The following FAM184A variants were observed in gnomAD, a reference collection of about 807,000 sequenced individuals.
FAM184A encodes protein FAM184A.
Under a neutral mutation model 143.8 loss-of-function variants are expected in FAM184A, and 99 were observed. The observed-to-expected ratio is 0.69, with a 90% CI of 0.58 to 0.81. The LOEUF (loss-of-function observed/expected upper bound fraction) is 0.81. FAM184A is among the 40% of genes least tolerant of loss of function. The pLI, the probability that FAM184A is intolerant of heterozygous loss-of-function variation, is 0.00. For missense variants in FAM184A, 1,217 were observed against 1,310.5 expected (o/e 0.93, Z 1.10); for synonymous variants, 427 against 446.4 (o/e 0.96, Z 0.55).
chr6:119,040,489 C>T (rs1786286455), intron 1 of FAM184A, among the ~76,000 whole-genome samples: 2 of 152,114 alleles, frequency 1.3e-5, no homozygotes, highest in African/African-American at 4.8e-5. Flanking sequence ...GTCACCTTGC[C>T]GGGTGGCTTG....
intron 14 of FAM184A, among the ~76,000 whole-genome samples, chr6:118,968,645 A>T (rs1783573683): frequency 6.6e-6 from 1 of 152,258 alleles, no homozygotes; most frequent in African/African-American, 2.4e-5. Context: ...TTTTATCATT[A>T]AAAGCAAAGT....
chr6:119,002,787 T>C, intron 9 of FAM184A, 112 bp downstream of exon 9: 1 of 963,018 alleles, frequency 1.0e-6, no homozygotes, highest in East Asian at 2.5e-5. Flanking sequence ...AGTTTTAAGT[T>C]TGTCCCATGA....
At position 119,033,664 on chromosome 6, in the gene FAM184A, C is replaced by CAAA. The variant is rs532353203; in HGVS notation, c.160-8854_160-8852dup. On this transcript the variant is annotated intron_variant, in intron 1 of 17. Coordinates refer to ENST00000338891, the MANE Select transcript of FAM184A (RefSeq NM_024581.6). ...CGGACGACAGAGTGAGACTCCGTCT[C>CAAA]AAAAAAAAAAAAAAGAAAGAAAGAA... 5.3e-3 allele frequency among the ~76,000 whole-genome samples: 581 copies of CAAA among 110,220 alleles called. 8 individuals carry two copies. Among genetic ancestry groups the CAAA allele is most frequent in the African/African-American group, 0.019 (545 of 28,458 alleles). 72.3% of individuals were successfully genotyped at this position (110,220 alleles called of 152,430 possible). A position where few individuals can be genotyped will look rare whatever the true frequency, so the allele number is the denominator to read the frequency against.
intron 1 of FAM184A, among the ~76,000 whole-genome samples, chr6:119,073,148 A>G (rs1299570266): frequency 6.6e-6 from 1 of 152,226 alleles, no homozygotes; most frequent in East Asian, 1.9e-4. Context: ...AGGTACCAAC[A>G]ATCAATGCTA....
intron 1 of FAM184A, among the ~76,000 whole-genome samples, chr6:119,056,261 G>C (rs538024224): frequency 2.5e-4 from 38 of 152,330 alleles, no homozygotes; most frequent in Non-Finnish European, 4.7e-4. Flanking sequence ...AGAAATGCTA[G>C]ATTGAGACAA....
Position 118,960,031 on chromosome 6 carries a change from A to G in FAM184A, c.*72T>C, listed in dbSNP as rs1783268198. ...CACAGTGTTTGACATAGGAAAGCCT[A>G]TTTACATAACAATCTGTATAAAGTC... On this transcript the variant is annotated 3_prime_UTR_variant, in exon 18 of 18. Transcript: ENST00000338891. 1 of 1,230,314 alleles carries G rather than the reference A, an allele frequency of 8.1e-7. No individual in the cohort carries two copies. The highest frequency in any genetic ancestry group is 1.2e-6 in the Non-Finnish European group (1 of 867,562). The allele number at this position is 1,230,314 out of a possible 1,614,324, so 76.2% of individuals were successfully genotyped here.
intron 1 of FAM184A, among the ~76,000 whole-genome samples, chr6:119,111,585 C>T (rs947470379): frequency 1.3e-5 from 2 of 152,302 alleles, no homozygotes; most frequent in South Asian, 2.1e-4. Context: ...AGAAACCCGG[C>T]GTATTCCAGT....
At position 118,961,807 on chromosome 6, in the gene FAM184A, G is replaced by A. The variant is rs1161320812; in HGVS notation, c.3295C>T (p.Pro1099Ser). The change falls in exon 17 of 18, where the codon CCA (proline) becomes TCA (serine). Residue 1099 changes from proline (P) to serine (S), a missense_variant. Physicochemically the swap from Pro to Ser is moderately conservative, Grantham distance 74 (BLOSUM62 -1). Coordinates refer to ENST00000338891, the MANE Select transcript of FAM184A (RefSeq NM_024581.6). ...VHDIEFNSSK[P>S]LPQPVPPKGP... ...TTAGGTGGCACTGGCTGTGGAAGTG[G>A]TTTGCTGCTGTTGAACTCAATATCG... The A allele has an allele frequency of 6.2e-7, 1 of 1,613,792 alleles. No individual in the cohort carries two copies. The highest frequency in any genetic ancestry group is 2.2e-5 in the East Asian group (1 of 44,884).
chr6:119,079,359 ATAAG>A (rs1350200531), upstream of FAM184A, among the ~76,000 whole-genome samples: 1 of 152,204 alleles, frequency 6.6e-6, no homozygotes, highest in East Asian at 1.9e-4. Context: ...TTGGCTGGAA[ATAAG>A]TAAGAATAGG....
chr6:118,979,620 C>G (rs1262983697), intron 10 of FAM184A, 102 bp from the exon 11 acceptor site: 2 of 905,690 alleles, frequency 2.2e-6, no homozygotes, highest in Non-Finnish European at 3.2e-6. Context: ...TTAAGAAATA[C>G]AAAATGTTTT....
chr6:119,046,781 G>A (rs1168477738), intron 1 of FAM184A, among the ~76,000 whole-genome samples: 1 of 152,048 alleles, frequency 6.6e-6, no homozygotes, highest in Admixed American at 6.6e-5. Context: ...AGCAACTACC[G>A]CTATAACCAT....
At chr6:119,130,723 G>A (rs1000862479) in intron 1 of FAM184A, among the ~76,000 whole-genome samples, 5 of 152,032 alleles carry the variant, frequency 3.3e-5, no homozygotes, top group African/African-American at 7.2e-5. Flanking sequence ...GATAAGACCC[G>A]GTCTTCGTAA....
chr6:119,011,283 A>T (rs752393978), intron 6 of FAM184A, 26 bp downstream of exon 6: 11 of 1,591,894 alleles, frequency 6.9e-6, no homozygotes, highest in Non-Finnish European at 8.6e-6. Context: ...TCTATAACAT[A>T]GGCAACAGGT....
intron 9 of FAM184A, among the ~76,000 whole-genome samples, chr6:118,998,324 C>T (rs375837418): frequency 3.9e-5 from 6 of 152,300 alleles, no homozygotes; most frequent in East Asian, 1.9e-4. Flanking sequence ...TATCTGAAAA[C>T]GTCTTTGGTC....
chr6:119,017,007 T>G lies in FAM184A; in HGVS notation c.1333-63A>C, dbSNP rs114335255. 1,199 of 1,080,902 alleles carry G rather than the reference T, an allele frequency of 1.1e-3. 16 individuals carry two copies. The highest frequency in any genetic ancestry group is 0.011 in the South Asian group (712 of 66,450). 67.0% of individuals were successfully genotyped at this position (1,080,902 alleles called of 1,614,324 possible). Reference sequence around the variant, plus strand: ...TTTTTCATTACTGTTATTAGGGTAATTTGAATACCCTATAAATATGGAAGC... The same window carrying G: ...TTTTTCATTACTGTTATTAGGGTAAGTTGAATACCCTATAAATATGGAAGC... On this transcript the variant is annotated intron_variant, in intron 4 of 17. Coordinates refer to ENST00000338891, the MANE Select transcript of FAM184A (RefSeq NM_024581.6).
intron 1 of FAM184A, among the ~76,000 whole-genome samples, chr6:119,117,340 G>A (rs959987990): frequency 1.3e-5 from 2 of 152,238 alleles, no homozygotes; most frequent in Admixed American, 1.3e-4. Flanking sequence ...AGGGAAGAGG[G>A]AAGAAGAAAT....
At chr6:119,052,944 T>G (rs1786821414) in intron 1 of FAM184A, among the ~76,000 whole-genome samples, 1 of 152,176 alleles carries the variant, frequency 6.6e-6, no homozygotes. Context: ...GTAGAACCAG[T>G]GAAGGGATTT....
chr6:119,024,650 A>G lies in FAM184A; in HGVS notation c.323T>C (p.Ile108Thr). The change falls in exon 2 of 18, where the codon ATT becomes ACT. Residue 108 changes from isoleucine (I) to threonine (T), a missense_variant. Physicochemically the swap from Ile to Thr is moderately conservative, Grantham distance 89 (BLOSUM62 -1). Transcript: ENST00000338891. Reference sequence around the variant, plus strand: ...TTCTAATGATGATTCTAAAACTTGAATCTTTCTTCTAAGGTCTAGCTCCTC... The same window carrying G: ...TTCTAATGATGATTCTAAAACTTGAGTCTTTCTTCTAAGGTCTAGCTCCTC... ...VTEELDLRRK[I>T]QVLESSLEDH... 1.2e-6 allele frequency: 2 copies of G among 1,614,058 alleles called. No individual in the cohort carries two copies. Among genetic ancestry groups the G allele is most frequent in the Non-Finnish European group, 8.5e-7 (1 of 1,179,998 alleles).
chr6:119,007,863 C>T (rs1301681110), intron 6 of FAM184A, among the ~76,000 whole-genome samples: 2 of 152,032 alleles, frequency 1.3e-5, no homozygotes, highest in East Asian at 3.9e-4. Flanking sequence ...ATTGCTTGCA[C>T]CTGGGAGGCA....
Sources: gnomAD v4.1 joint callset for allele counts (sites outside exome capture counted in the v4.1 genomes callset) on GRCh38, gnomAD v4.1.1 for gene constraint, MANE v1.5 for transcripts, NCBI Gene and HGNC (gene_info 2026-07-23, HGNC 2026-07-21) for gene names.